ITGA9: variants seen among roughly 807,000 people sequenced by gnomAD.
ITGA9 encodes the protein integrin subunit alpha 9.
ITGA9 carries 56 observed loss-of-function variants against 127.8 expected under a neutral mutation model. The observed-to-expected ratio is 0.44, with a 90% CI of 0.35 to 0.55. ITGA9 has a LOEUF of 0.55. Ranked by LOEUF, ITGA9 falls within the 20% of genes least tolerant of loss-of-function variation. The pLI, the probability that ITGA9 is intolerant of heterozygous loss-of-function variation, is 0.00. For synonymous variants in ITGA9, 508 were observed against 514.5 expected (o/e 0.99, Z 0.17); for missense variants, 1,196 against 1,347.1 (o/e 0.89, Z 1.76).
chr3:37,723,016 A>G (rs1229886995), intron 18 of ITGA9, among the ~76,000 whole-genome samples: 2 of 152,202 alleles, frequency 1.3e-5, no homozygotes, highest in East Asian at 3.8e-4. Flanking sequence ...CATTCTAATG[A>G]GTAGGAAGTA....
chr3:37,721,114 CTTTTTTTTTTTTTTTT>C (rs35254377), intron 18 of ITGA9, among the ~76,000 whole-genome samples: 1 of 93,256 alleles, frequency 1.1e-5, no homozygotes, highest in Non-Finnish European at 1.9e-5. Context: ...CTTTTCTTGC[CTTTTTTTTTTTTTTTT>C]TTTTTTTTTA....
chr3:37,625,713 C>T (rs979782129), intron 15 of ITGA9, among the ~76,000 whole-genome samples: 1 of 152,128 alleles, frequency 6.6e-6, no homozygotes, highest in Non-Finnish European at 1.5e-5. Context: ...GTGCTGAGCT[C>T]AGGGAAGCTG....
At chr3:37,512,176 TTTCTTTTCTTTTCTTTTC>T (rs1489058725) in intron 8 of ITGA9, among the ~76,000 whole-genome samples, 1 of 51,608 alleles carries the variant, frequency 1.9e-5, no homozygotes, top group African/African-American at 9.2e-5. Context: ...TTTCTTTTCT[TTTCTTTTCTTTTCTTTTC>T]TTTTCTTTTC....
intron 1 of ITGA9, among the ~76,000 whole-genome samples, chr3:37,460,476 C>A (rs573887403): frequency 6.6e-6 from 1 of 151,982 alleles, no homozygotes; most frequent in Admixed American, 6.6e-5. Context: ...AAAGGATAAA[C>A]GCTTCAGGTG....
intron 27 of ITGA9, among the ~76,000 whole-genome samples, chr3:37,812,407 T>C (rs1001600888): frequency 6.6e-6 from 1 of 152,108 alleles, no homozygotes; most frequent in Non-Finnish European, 1.5e-5. Flanking sequence ...CCAGATGTCA[T>C]GGTGTTGTCC....
chr3:37,514,476 T>A (rs558989984), intron 9 of ITGA9, among the ~76,000 whole-genome samples: 1 of 152,320 alleles, frequency 6.6e-6, no homozygotes, highest in South Asian at 2.1e-4. Flanking sequence ...GAGCTCCCAG[T>A]GCAGAGCTGG....
intron 25 of ITGA9, among the ~76,000 whole-genome samples, chr3:37,780,653 T>C (rs1696966069): frequency 6.6e-6 from 1 of 152,220 alleles, no homozygotes; most frequent in African/African-American, 2.4e-5. Context: ...TGCAGGTATA[T>C]TTTTTATACA....
chr3:37,727,062 G>C (rs1033279952), intron 18 of ITGA9, among the ~76,000 whole-genome samples: 2 of 152,240 alleles, frequency 1.3e-5, no homozygotes, highest in African/African-American at 2.4e-5. Flanking sequence ...CCTACAGTTG[G>C]GCAGAATCAT....
chr3:37,653,715 C>T lies in ITGA9; in HGVS notation c.1841C>T (p.Thr614Ile), dbSNP rs753631029. Residue 614 changes from threonine to isoleucine, a missense_variant and splice_region_variant, in exon 17 of 28, where the codon ACT (threonine) becomes ATT (isoleucine). Transcript: ENST00000264741. ...KGQKIAQKNQ[T>I]VFERNCRSED... ...CTTCCTCTCCTGTCTTTCTCACAGACTGTTTTTGAAAGGAATTGCCGTTCA... is the reference window on the plus strand; with the variant it reads ...CTTCCTCTCCTGTCTTTCTCACAGATTGTTTTTGAAAGGAATTGCCGTTCA... 21 of 1,612,234 alleles carry T rather than the reference C, an allele frequency of 1.3e-5. No homozygotes were observed. The highest frequency in any genetic ancestry group is 3.3e-5 in the Admixed American group (2 of 59,996).
At chr3:37,665,850 G>A (rs996647292) in intron 17 of ITGA9, among the ~76,000 whole-genome samples, 2 of 152,174 alleles carry the variant, frequency 1.3e-5, no homozygotes, top group Non-Finnish European at 2.9e-5. Flanking sequence ...TTCCGTGGGA[G>A]TTACCTGGCG....
intron 15 of ITGA9, among the ~76,000 whole-genome samples, chr3:37,599,924 T>A (rs746582776): frequency 6.6e-6 from 1 of 152,180 alleles, no homozygotes; most frequent in African/African-American, 2.4e-5. Flanking sequence ...GATCATCACC[T>A]CTGTAATGGT....
chr3:37,764,701 A>G (rs1031390685), intron 23 of ITGA9, among the ~76,000 whole-genome samples: 1 of 152,096 alleles, frequency 6.6e-6, no homozygotes, highest in African/African-American at 2.4e-5. Context: ...GGCTGTGGAA[A>G]GCTACTCATT....
At chr3:37,584,670 G>A (rs1023464129) in intron 15 of ITGA9, among the ~76,000 whole-genome samples, 1 of 152,214 alleles carries the variant, frequency 6.6e-6, no homozygotes, top group East Asian at 1.9e-4. Flanking sequence ...CAGGAGAATT[G>A]CTTGAACTCG....
Position 37,452,678 on chromosome 3 carries a change from A to C in ITGA9, c.185+119A>C. 2.2e-6 allele frequency: 2 copies of C among 889,124 alleles called. No homozygotes were observed. The highest frequency in any genetic ancestry group is 3.1e-6 in the Non-Finnish European group (2 of 645,544). 55.1% of individuals were successfully genotyped at this position (889,124 alleles called of 1,614,324 possible). ...GCCGCCGTCCCGAGGGGGCGATTTA[A>C]ATGTCTCCGTTGCGCGCGGCTCGGC... On this transcript the variant is annotated intron_variant, in intron 1 of 27. Transcript: ENST00000264741. The surrounding 1 kb of genome is among the most constrained non-coding windows in gnomAD (Gnocchi z 7.3).
At chr3:37,570,142 G>A (rs1004805192) in intron 15 of ITGA9, among the ~76,000 whole-genome samples, 3 of 152,230 alleles carry the variant, frequency 2.0e-5, no homozygotes, top group Non-Finnish European at 2.9e-5. Context: ...ATTTCTGCCC[G>A]GGGTTTGGCC....
rs1270088181 is a variant in ITGA9, at chr3:37,820,979, T to G, written c.*1990T>G. On this transcript the variant is annotated 3_prime_UTR_variant, in exon 28 of 28. Coordinates refer to ENST00000264741, the MANE Select transcript of ITGA9 (RefSeq NM_002207.3). ...ATACTCACAAACATATCTAAAGTTTTGGCAAAATTATGAGGGTGATGGGTG... is the reference window on the plus strand; with the variant it reads ...ATACTCACAAACATATCTAAAGTTTGGGCAAAATTATGAGGGTGATGGGTG... 2 of 152,218 alleles carry G rather than the reference T, an allele frequency of 1.3e-5. No homozygotes were observed. Among genetic ancestry groups the G allele is most frequent in the African/African-American group, 4.8e-5 (2 of 41,460 alleles). 9.4% of individuals were successfully genotyped at this position (152,218 alleles called of 1,614,324 possible).
At chr3:37,667,035 C>T (rs1218864181) in intron 17 of ITGA9, among the ~76,000 whole-genome samples, 3 of 152,034 alleles carry the variant, frequency 2.0e-5, no homozygotes, top group Admixed American at 6.6e-5. Flanking sequence ...TACAAAAATG[C>T]AGACACTGGC....
chr3:37,812,665 C>A (rs1272438813), intron 27 of ITGA9, among the ~76,000 whole-genome samples: 1 of 152,248 alleles, frequency 6.6e-6, no homozygotes, highest in Non-Finnish European at 1.5e-5. Flanking sequence ...CCAGCAGACA[C>A]AAAAACCAGA....
chr3:37,474,858 C>A (rs1482613906), intron 3 of ITGA9, among the ~76,000 whole-genome samples: 1 of 152,208 alleles, frequency 6.6e-6, no homozygotes, highest in African/African-American at 2.4e-5. Context: ...GTGTTTTTGT[C>A]CCCTCTCTAA....
Sources: allele counts gnomAD v4.1 joint callset (sites outside exome capture counted in the v4.1 genomes callset), GRCh38; gene constraint gnomAD v4.1.1; non-coding constraint Gnocchi (gnomAD v3.1); transcripts MANE v1.5; gene names NCBI Gene and HGNC (gene_info 2026-07-23, HGNC 2026-07-21).